The following CDC40 variants were observed in gnomAD, a reference collection of about 807,000 sequenced individuals.
CDC40 encodes the protein cell division cycle 40, also known as pre-mRNA-processing factor 17.
Under a neutral mutation model 80.6 loss-of-function variants are expected in CDC40, and 27 were observed. The ratio of observed to expected loss-of-function variants is 0.33; its 90% CI spans 0.25 to 0.46. The LOEUF (loss-of-function observed/expected upper bound fraction) is 0.46, where lower values mean the gene tolerates loss of function less well. Ranked by LOEUF, CDC40 falls within the 20% of genes least tolerant of loss-of-function variation. CDC40 has a pLI of 1.00. For missense variants in CDC40, 486 were observed against 694.1 expected (o/e 0.70, Z 3.37); for synonymous variants, 221 against 232.6 (o/e 0.95, Z 0.45).
At chr6:110,195,660 CATT>C (rs1398595360) in intron 2 of CDC40, among the ~76,000 whole-genome samples, 2 of 152,028 alleles carry the variant, frequency 1.3e-5, no homozygotes, top group Non-Finnish European at 2.9e-5. Context: ...TGGTAGTCAT[CATT>C]GTTATTTTTA....
chr6:110,216,102 A>C (rs149483646), intron 9 of CDC40, among the ~76,000 whole-genome samples: 27 of 152,304 alleles, frequency 1.8e-4, no homozygotes, highest in African/African-American at 6.3e-4. Flanking sequence ...AGATAGCCAG[A>C]GGTCGAGCTT....
At chr6:110,209,400 T>C in intron 5 of CDC40, 177 bp downstream of exon 5, 1 of 505,314 alleles carries the variant, frequency 2.0e-6, no homozygotes, top group Non-Finnish European at 3.5e-6. Flanking sequence ...GGGATATTTT[T>C]ATTTACCTTT....
chr6:110,206,606 ATCCT>A (rs552189931), intron 3 of CDC40, among the ~76,000 whole-genome samples: 2 of 152,234 alleles, frequency 1.3e-5, no homozygotes, highest in Non-Finnish European at 2.9e-5. Context: ...GCTGGTAGAT[ATCCT>A]TCCTTCTCTT....
chr6:110,186,702 A>T (rs1777275306), intron 1 of CDC40, among the ~76,000 whole-genome samples: 1 of 152,070 alleles, frequency 6.6e-6, no homozygotes, highest in South Asian at 2.1e-4. Flanking sequence ...GACACCTTTT[A>T]AGACCCGCAC....
At chr6:110,210,147 T>G (rs1357443555) in intron 5 of CDC40, among the ~76,000 whole-genome samples, 1 of 152,024 alleles carries the variant, frequency 6.6e-6, no homozygotes, top group Non-Finnish European at 1.5e-5. Flanking sequence ...TATTTCTAGG[T>G]GTCACAGAAG....
rs780304121 is a variant in CDC40 at position 110,207,525 on chromosome 6, A to T, written c.426A>T (p.Ser142=). The T allele has an allele frequency of 6.3e-7, 1 of 1,599,142 alleles. No homozygotes were observed. Among genetic ancestry groups the T allele is most frequent in the East Asian group, 2.2e-5 (1 of 44,670 alleles). The change falls in exon 4 of 15, where the codon TCA becomes TCT. Residue 142 remains serine, a synonymous_variant. Transcript: ENST00000307731. Reference sequence around the variant, plus strand: ...TTTCAGGTTATGCATTAGACCCTTCATTAGATAATCATCAAGTGTCTGCTA... The same window carrying T: ...TTTCAGGTTATGCATTAGACCCTTCTTTAGATAATCATCAAGTGTCTGCTA... ...FATYGYALDP[S]LDNHQVSAKY... is the part of the protein sequence containing the mutation.
intron 1 of CDC40, among the ~76,000 whole-genome samples, chr6:110,184,484 TA>T (rs1209462765): frequency 1.3e-5 from 2 of 151,964 alleles, no homozygotes; most frequent in Non-Finnish European, 2.9e-5. Flanking sequence ...TTTATGCTGT[TA>T]ATAAACAGTA....
In CDC40 at chr6:110,205,082, G is replaced by GT. The variant is rs575478937; in HGVS notation, c.407-2418dup. Among the ~76,000 whole-genome samples the GT allele has an allele frequency of 8.2e-3, 1,252 of 152,098 alleles. 10 individuals carry two copies. Among genetic ancestry groups the GT allele is most frequent in the Non-Finnish European group, 0.012 (832 of 68,002 alleles). On this transcript the variant is annotated intron_variant, in intron 3 of 14. Transcript: ENST00000307731. ...TTCCGGACTACTAGTGAGGTCGAAG[G>GT]TTTTTTCATATATTTATGACCATTC...
chr6:110,195,898 T>C (rs956939597), intron 2 of CDC40, among the ~76,000 whole-genome samples: 1 of 152,182 alleles, frequency 6.6e-6, no homozygotes, highest in African/African-American at 2.4e-5. Context: ...CAATGATAAA[T>C]AGATTTGTGA....
At chr6:110,212,310 TA>T (rs1562204944) in intron 7 of CDC40, 38 bp downstream of exon 7, 1 of 1,604,414 alleles carries the variant, frequency 6.2e-7, no homozygotes, top group African/African-American at 1.3e-5. Context: ...TGTAATGTTA[TA>T]ATAATGAAGC....
In CDC40 at chr6:110,226,255, T is replaced by C. The variant is rs375359720; in HGVS notation, c.1417+12T>C. 4.2e-4 allele frequency: 637 copies of C among 1,519,892 alleles called. 8 individuals are homozygous for C. The South Asian group carries it at 5.5e-3, about 13-fold the overall frequency. The allele number at this position is 1,519,892 out of a possible 1,614,324, so 94.2% of individuals were successfully genotyped here. A position where few individuals can be genotyped will look rare whatever the true frequency, so the allele number is the denominator to read the frequency against. On this transcript the variant is annotated intron_variant, in intron 13 of 14. Coordinates refer to ENST00000307731, the MANE Select transcript of CDC40 (RefSeq NM_015891.3). ...TTTGTCTCCAAATGGTGAGTTAGTATGTAGATTGTATTTTTAAATGAGCTT... is the reference window on the plus strand; with the variant it reads ...TTTGTCTCCAAATGGTGAGTTAGTACGTAGATTGTATTTTTAAATGAGCTT...
chr6:110,203,728 G>A (rs1016150103), intron 3 of CDC40, among the ~76,000 whole-genome samples: 1 of 152,026 alleles, frequency 6.6e-6, no homozygotes, highest in Admixed American at 6.6e-5. Context: ...GTGTCATCCC[G>A]TTTACTTACT....
chr6:110,221,652 A>G (rs1288366292), intron 12 of CDC40, among the ~76,000 whole-genome samples: 4 of 152,176 alleles, frequency 2.6e-5, no homozygotes, highest in Admixed American at 2.0e-4. Flanking sequence ...TTTGTTTTAT[A>G]TACTTTAACA....
intron 10 of CDC40, 148 bp from the exon 11 acceptor site, chr6:110,219,216 A>G (rs1777736542): frequency 2.2e-6 from 1 of 446,108 alleles, no homozygotes. Context: ...AAATCTGTGA[A>G]AAAGAACAAA....
At chr6:110,192,462 C>T (rs1056128157) in intron 1 of CDC40, among the ~76,000 whole-genome samples, 6 of 152,168 alleles carry the variant, frequency 3.9e-5, no homozygotes, top group Admixed American at 6.5e-5. Context: ...GGGGAGGCCA[C>T]GAGCTCCCTT....
At chr6:110,197,873 C>T (rs1777438981) in intron 2 of CDC40, among the ~76,000 whole-genome samples, 1 of 152,160 alleles carries the variant, frequency 6.6e-6, no homozygotes, top group African/African-American at 2.4e-5. Context: ...ACAGATATCT[C>T]TTTGACATGC....
intron 10 of CDC40, 70 bp downstream of exon 10, chr6:110,217,873 C>G (rs1327517552): frequency 1.2e-5 from 9 of 777,546 alleles, no homozygotes; most frequent in Non-Finnish European, 2.0e-5. Flanking sequence ...TGTGAGTAGT[C>G]TTTTGTGGCA....
intron 9 of CDC40, among the ~76,000 whole-genome samples, chr6:110,216,219 C>A (rs1777698089): frequency 6.6e-6 from 1 of 152,132 alleles, no homozygotes; most frequent in South Asian, 2.1e-4. Flanking sequence ...TTGTGACAAA[C>A]CAGATTTTTG....
chr6:110,185,469 C>G (rs1350820329), intron 1 of CDC40, among the ~76,000 whole-genome samples: 1 of 151,948 alleles, frequency 6.6e-6, no homozygotes, highest in East Asian at 1.9e-4. Context: ...GTCTCGATCT[C>G]CTGACCTCGT....
Sources: allele counts gnomAD v4.1 joint callset (sites outside exome capture counted in the v4.1 genomes callset), GRCh38; gene constraint gnomAD v4.1.1; transcripts MANE v1.5; gene names NCBI Gene and HGNC (gene_info 2026-07-23, HGNC 2026-07-21).